Variants in CACNG2 observed in about 807,000 individuals in gnomAD.
The protein encoded by CACNG2 is voltage-dependent calcium channel gamma-2 subunit.
In CACNG2, 3 loss-of-function variants were observed where a neutral mutation model predicts 25.9. That is an observed-to-expected ratio of 0.12 (90% confidence interval 0.05 to 0.30). CACNG2 has a LOEUF of 0.30. Ranked by LOEUF, CACNG2 falls within the 10% of genes least tolerant of loss-of-function variation. The pLI, the probability that CACNG2 is intolerant of heterozygous loss-of-function variation, is 1.00. For missense variants in CACNG2, 341 were observed against 432.5 expected (o/e 0.79, Z 1.88); for synonymous variants, 167 against 173.3 (o/e 0.96, Z 0.29).
intron 2 of CACNG2, among the ~76,000 whole-genome samples, chr22:36,578,013 G>C (rs1935353696): frequency 6.6e-6 from 1 of 151,968 alleles, no homozygotes; most frequent in Non-Finnish European, 1.5e-5. Flanking sequence ...TTCCCTCTTG[G>C]GCCTCCGTTT....
intron 1 of CACNG2, among the ~76,000 whole-genome samples, chr22:36,602,077 T>C (rs538540750): frequency 1.3e-5 from 2 of 152,182 alleles, no homozygotes; most frequent in African/African-American, 4.8e-5. Flanking sequence ...ATTAGTGACG[T>C]TGGACACTTT....
At chr22:36,650,764 T>C (rs1247060281) in intron 1 of CACNG2, among the ~76,000 whole-genome samples, 1 of 152,200 alleles carries the variant, frequency 6.6e-6, no homozygotes, top group Admixed American at 6.5e-5. Flanking sequence ...AAGTGATCCT[T>C]CTGCCTGGGC....
At chr22:36,592,809 A>G (rs781714692) in intron 1 of CACNG2, among the ~76,000 whole-genome samples, 1 of 152,146 alleles carries the variant, frequency 6.6e-6, no homozygotes, top group South Asian at 2.1e-4. Flanking sequence ...TCTTCTCCTA[A>G]GTTGTCCTCT....
At chr22:36,655,747 T>C (rs1479521172) in intron 1 of CACNG2, among the ~76,000 whole-genome samples, 1 of 150,144 alleles carries the variant, frequency 6.7e-6, no homozygotes, top group East Asian at 1.9e-4. Context: ...TCTTCCTTTC[T>C]TCCTTTCTTT....
chr22:36,613,156 C>CTCTGTG (rs140413982), intron 1 of CACNG2, among the ~76,000 whole-genome samples: 51,115 of 145,818 alleles, frequency 0.35, 9,835 homozygotes, highest in East Asian at 0.59. Context: ...TACAGGCTCT[C>CTCTGTG]TGTGTGTGTG....
intron 1 of CACNG2, among the ~76,000 whole-genome samples, chr22:36,602,706 A>G (rs1426278617): frequency 6.6e-6 from 1 of 152,152 alleles, no homozygotes; most frequent in Admixed American, 6.6e-5. Context: ...TTATTATTAC[A>G]TCTGTTATGG....
chr22:36,631,478 A>G (rs1471013715), intron 1 of CACNG2, among the ~76,000 whole-genome samples: 1 of 152,158 alleles, frequency 6.6e-6, no homozygotes, highest in Admixed American at 6.5e-5. Flanking sequence ...CTTCCTGTCC[A>G]GGCAGGTAAC....
At position 36,635,065 on chromosome 22, in the gene CACNG2, C is replaced by T. The variant is rs150513499; in HGVS notation, c.212-47517G>A. ...TTGGGAGGCCGAGGTGGGTGGATCACGAGGTCAGGAGATCAAGACCATCCT... is the reference window on the plus strand; with the variant it reads ...TTGGGAGGCCGAGGTGGGTGGATCATGAGGTCAGGAGATCAAGACCATCCT... On this transcript the variant is annotated intron_variant, in intron 1 of 3. Transcript: ENST00000300105. Among the ~76,000 whole-genome samples the T allele has an allele frequency of 8.2e-3, 1,254 of 152,150 alleles. 5 individuals are homozygous for T. The highest frequency in any genetic ancestry group is 0.027 in the Middle Eastern group (8 of 292).
intron 1 of CACNG2, among the ~76,000 whole-genome samples, chr22:36,620,423 T>C (rs1936089133): frequency 6.6e-6 from 1 of 152,246 alleles, no homozygotes; most frequent in African/African-American, 2.4e-5. Context: ...TGGATGCATT[T>C]GGAGAAAAAG....
At position 36,596,553 on chromosome 22, in the gene CACNG2, C is replaced by T. The variant is rs116412991; in HGVS notation, c.212-9005G>A. 3.5e-3 allele frequency among the ~76,000 whole-genome samples: 529 copies of T among 152,116 alleles called. 3 individuals are homozygous for T. Among genetic ancestry groups the T allele is most frequent in the African/African-American group, 0.012 (508 of 41,486 alleles). Reference sequence around the variant, plus strand: ...AGAGGGCAGTCTCAGTGGGTAGTTTCGAATGCCTACTGTGTGCTAGGCACT... The same window carrying T: ...AGAGGGCAGTCTCAGTGGGTAGTTTTGAATGCCTACTGTGTGCTAGGCACT... On this transcript the variant is annotated intron_variant, in intron 1 of 3. Coordinates refer to ENST00000300105, the MANE Select transcript of CACNG2 (RefSeq NM_006078.5).
chr22:36,700,080 G>C (rs1424098521), intron 1 of CACNG2, among the ~76,000 whole-genome samples: 1 of 152,254 alleles, frequency 6.6e-6, no homozygotes, highest in Non-Finnish European at 1.5e-5. Context: ...GGGCCCCACA[G>C]TACTGCCCGG....
chr22:36,575,770 C>T (rs1180886773), intron 2 of CACNG2, among the ~76,000 whole-genome samples: 5 of 152,142 alleles, frequency 3.3e-5, no homozygotes, highest in African/African-American at 4.8e-5. Flanking sequence ...GTTCCCTGTG[C>T]GAGTAATGAC....
rs1475193183 is a variant in CACNG2, at chr22:36,702,622, G to A, written c.-46C>T. On this transcript the variant is annotated 5_prime_UTR_variant, in exon 1 of 4. Coordinates refer to ENST00000300105, the MANE Select transcript of CACNG2 (RefSeq NM_006078.5). ...CCCAACCGACTTCTGGTTCTCGGGA[G>A]AGTGTGTGTGAGGGTGCAAGTACTA... 1 of 1,494,418 alleles carries A rather than the reference G, an allele frequency of 6.7e-7. No individual in the cohort carries two copies. The highest frequency in any genetic ancestry group is 9.3e-7 in the Non-Finnish European group (1 of 1,071,056). The allele number at this position is 1,494,418 out of a possible 1,614,324, so 92.6% of individuals were successfully genotyped here.
intron 1 of CACNG2, among the ~76,000 whole-genome samples, chr22:36,634,568 C>A (rs1049398879): frequency 9.2e-5 from 14 of 152,192 alleles, no homozygotes; most frequent in African/African-American, 2.9e-4. Context: ...CTTTGCAAAA[C>A]ACTGGTAAAA....
intron 2 of CACNG2, among the ~76,000 whole-genome samples, chr22:36,579,658 G>T (rs915982500): frequency 6.6e-6 from 1 of 152,058 alleles, no homozygotes; most frequent in African/African-American, 2.4e-5. Flanking sequence ...GAAAGCAGAG[G>T]CTCCCAAGTC....
chr22:36,686,329 G>A (rs1159948242), intron 1 of CACNG2, among the ~76,000 whole-genome samples: 2 of 152,180 alleles, frequency 1.3e-5, no homozygotes, highest in Non-Finnish European at 2.9e-5. Flanking sequence ...AGCAAGTCCA[G>A]AAGAAGGAAA....
At chr22:36,615,924 T>A (rs1936015772) in intron 1 of CACNG2, among the ~76,000 whole-genome samples, 1 of 152,262 alleles carries the variant, frequency 6.6e-6, no homozygotes, top group Non-Finnish European at 1.5e-5. Context: ...GTGTCTATGT[T>A]CAAACATTCT....
intron 2 of CACNG2, among the ~76,000 whole-genome samples, chr22:36,582,537 C>T (rs570805397): frequency 1.3e-5 from 2 of 151,986 alleles, no homozygotes; most frequent in South Asian, 2.1e-4. Flanking sequence ...TCCTGAGTAG[C>T]TGGGAATACA....
At chr22:36,580,774 T>A (rs1258195069) in intron 2 of CACNG2, among the ~76,000 whole-genome samples, 1 of 152,112 alleles carries the variant, frequency 6.6e-6, no homozygotes, top group Non-Finnish European at 1.5e-5. Context: ...ATTCCTCTGA[T>A]TCTTCTTCCC....
Sources: gnomAD v4.1 joint callset for allele counts (sites outside exome capture counted in the v4.1 genomes callset) on GRCh38, gnomAD v4.1.1 for gene constraint, MANE v1.5 for transcripts, NCBI Gene and HGNC (gene_info 2026-07-23, HGNC 2026-07-21) for gene names.